COL19A1: variants seen among roughly 807,000 people sequenced by gnomAD.
The protein encoded by COL19A1 is collagen alpha-1(XIX) chain.
Under a neutral mutation model 190.2 loss-of-function variants are expected in COL19A1, and 159 were observed. That is an observed-to-expected ratio of 0.84 (90% confidence interval 0.73 to 0.95). COL19A1 has a LOEUF of 0.95. Ranked by LOEUF, COL19A1 falls within the 40% of genes least tolerant of loss-of-function variation. COL19A1 has a pLI of 0.00. For synonymous variants in COL19A1, 509 were observed against 458.9 expected, an observed-to-expected ratio of 1.11 and a Z score of -1.39; for missense variants, 1,418 against 1,431.9, an observed-to-expected ratio of 0.99 and a Z score of 0.16.
At chr6:70,081,203 T>C (rs1782226588) in intron 15 of COL19A1, among the ~76,000 whole-genome samples, 1 of 152,206 alleles carries the variant, frequency 6.6e-6, no homozygotes, top group African/African-American at 2.4e-5. Context: ...GGATGGGCTT[T>C]AATCTTTAAT....
Position 70,039,142 on chromosome 6 carries a change from G to A in COL19A1, c.1170+3203G>A, listed in dbSNP as rs79796374. Among the ~76,000 whole-genome samples the A allele has an allele frequency of 5.3e-4, 81 of 152,192 alleles. 2 individuals are homozygous for A. In the East Asian group the frequency reaches 0.014, roughly 25 times the overall value. ...CTTTAAAAATTCTAATTCCCAGACT[G>A]TACCACATACCAATAAAGCCAGAAT... On this transcript the variant is annotated intron_variant, in intron 14 of 50. Transcript: ENST00000620364.
intron 14 of COL19A1, among the ~76,000 whole-genome samples, chr6:70,058,784 TA>T (rs1027556226): frequency 8.6e-5 from 13 of 151,630 alleles, no homozygotes; most frequent in Non-Finnish European, 1.2e-4. Flanking sequence ...CTCTAGAGGT[TA>T]AAAAAAATTA....
At chr6:70,199,936 T>C in intron 49 of COL19A1, 200 bp downstream of exon 49, 1 of 507,524 alleles carries the variant, frequency 2.0e-6, no homozygotes, top group Non-Finnish European at 3.5e-6. Flanking sequence ...GTTTAACTAT[T>C]ACTACTTCAA....
chr6:69,992,550 G>A (rs1354011068), intron 11 of COL19A1, among the ~76,000 whole-genome samples: 2 of 151,992 alleles, frequency 1.3e-5, no homozygotes, highest in African/African-American at 4.8e-5. Context: ...TGGGTAATAT[G>A]GCTATTTTAA....
At chr6:70,189,939 T>C (rs1766750152) in intron 47 of COL19A1, among the ~76,000 whole-genome samples, 1 of 152,242 alleles carries the variant, frequency 6.6e-6, no homozygotes, top group South Asian at 2.1e-4. Context: ...AGGGATTGGT[T>C]AAAAGTTAAA....
intron 11 of COL19A1, among the ~76,000 whole-genome samples, chr6:69,995,730 A>AT (rs549873616): frequency 2.2e-4 from 34 of 152,308 alleles, no homozygotes; most frequent in African/African-American, 7.5e-4. Context: ...TTGAAAGAAG[A>AT]TTTGATTCTC....
chr6:70,163,530 G>A, intron 36 of COL19A1, 134 bp downstream of exon 36: 3 of 757,604 alleles, frequency 4.0e-6, no homozygotes, highest in Admixed American at 2.7e-5. Context: ...ACCTATTCTT[G>A]TAGTGGATTT....
intron 9 of COL19A1, among the ~76,000 whole-genome samples, chr6:69,950,578 A>G (rs1261793515): frequency 1.3e-5 from 2 of 151,324 alleles, no homozygotes; most frequent in Non-Finnish European, 3.0e-5. Context: ...GTAAGCTTGG[A>G]TGGACAGAAG....
chr6:69,926,039 C>G (rs963654385), intron 4 of COL19A1, among the ~76,000 whole-genome samples: 1 of 152,114 alleles, frequency 6.6e-6, no homozygotes, highest in Non-Finnish European at 1.5e-5. Context: ...CAAACAGGGA[C>G]AATTTGACTT....
chr6:70,107,682 C>A (rs1328237122), intron 16 of COL19A1, among the ~76,000 whole-genome samples: 5 of 152,130 alleles, frequency 3.3e-5, no homozygotes, highest in African/African-American at 1.2e-4. Flanking sequence ...CAATGAATTG[C>A]TGAAATAAAA....
intron 9 of COL19A1, among the ~76,000 whole-genome samples, chr6:69,950,050 T>C (rs527263378): frequency 1.3e-5 from 2 of 152,016 alleles, no homozygotes; most frequent in South Asian, 4.1e-4. Context: ...AACTATACTT[T>C]ACACTTACAT....
intron 15 of COL19A1, among the ~76,000 whole-genome samples, chr6:70,068,827 AACT>A (rs774840816): frequency 1.3e-5 from 2 of 152,134 alleles, no homozygotes; most frequent in African/African-American, 4.8e-5. Context: ...TGTGGATATT[AACT>A]ACATTCTTTA....
chr6:70,086,775 C>A (rs1782615932), intron 15 of COL19A1, among the ~76,000 whole-genome samples: 2 of 151,872 alleles, frequency 1.3e-5, no homozygotes, highest in Admixed American at 6.6e-5. Flanking sequence ...TGCGATCACA[C>A]TTTTTCTCAT....
At chr6:70,022,219 T>C (rs1778454709) in intron 11 of COL19A1, among the ~76,000 whole-genome samples, 1 of 152,192 alleles carries the variant, frequency 6.6e-6, no homozygotes, top group African/African-American at 2.4e-5. Context: ...GCAAAGATTA[T>C]TACTACTACT....
At chr6:69,986,126 C>T (rs180761568) in intron 11 of COL19A1, among the ~76,000 whole-genome samples, 4 of 151,142 alleles carry the variant, frequency 2.6e-5, no homozygotes, top group East Asian at 1.9e-4. Context: ...CAAATTTTGC[C>T]GCTAATTACA....
rs1786081451 is a variant in COL19A1, at chr6:70,139,214, G to A, written c.1446+1467G>A. On this transcript the variant is annotated intron_variant, in intron 19 of 50. Transcript: ENST00000620364. ...GTAGGTTTGGAAGCAGGACCAGAGAGTCTGTGTTTCTCATAAGCTCTCAGT... is the reference window on the plus strand; with the variant it reads ...GTAGGTTTGGAAGCAGGACCAGAGAATCTGTGTTTCTCATAAGCTCTCAGT... Among the ~76,000 whole-genome samples the A allele has an allele frequency of 2.0e-5, 3 of 152,148 alleles. No individual in the cohort carries two copies. In the South Asian group the frequency reaches 6.2e-4, roughly 32 times the overall value.
intron 11 of COL19A1, among the ~76,000 whole-genome samples, chr6:70,018,944 C>T (rs934630019): frequency 6.6e-6 from 1 of 152,134 alleles, no homozygotes; most frequent in Non-Finnish European, 1.5e-5. Flanking sequence ...TGAACAAACT[C>T]TCTGGCTTCA....
In COL19A1 at chr6:69,868,958, T is replaced by C. The variant is rs148696082; in HGVS notation, c.-33+2318T>C. 3.7e-3 allele frequency among the ~76,000 whole-genome samples: 561 copies of C among 151,956 alleles called. 4 individuals are homozygous for C. Among genetic ancestry groups the C allele is most frequent in the African/African-American group, 0.013 (529 of 41,422 alleles). On this transcript the variant is annotated intron_variant, in intron 1 of 50. Coordinates refer to ENST00000620364, the MANE Select transcript of COL19A1 (RefSeq NM_001858.6). Reference sequence around the variant, plus strand: ...AGAGGCATCACAAATGAAAATTCAATTGAAGTATGAAAAATAAACTGAAAT... The same window carrying C: ...AGAGGCATCACAAATGAAAATTCAACTGAAGTATGAAAAATAAACTGAAAT...
At chr6:70,007,594 A>T (rs909297894) in intron 11 of COL19A1, among the ~76,000 whole-genome samples, 1 of 152,014 alleles carries the variant, frequency 6.6e-6, no homozygotes, top group Admixed American at 6.6e-5. Flanking sequence ...ACGGACAGAA[A>T]TGAAAGACAA....
Sources: gnomAD v4.1 joint callset for allele counts (sites outside exome capture counted in the v4.1 genomes callset) on GRCh38, gnomAD v4.1.1 for gene constraint, MANE v1.5 for transcripts, NCBI Gene and HGNC (gene_info 2026-07-23, HGNC 2026-07-21) for gene names.